The following SORCS3 variants were observed in gnomAD, a reference collection of about 807,000 sequenced individuals.
SORCS3 encodes VPS10 domain-containing receptor SorCS3.
SORCS3 carries 57 observed loss-of-function variants against 146.3 expected under a neutral mutation model. The ratio of observed to expected loss-of-function variants is 0.39; its 90% CI spans 0.31 to 0.49. The LOEUF (loss-of-function observed/expected upper bound fraction) is 0.49. Ranked by LOEUF, SORCS3 falls within the 20% of genes least tolerant of loss-of-function variation. SORCS3 has a pLI of 0.92. For missense variants in SORCS3, 1,341 were observed against 1,575.5 expected (o/e 0.85, Z 2.52); for synonymous variants, 653 against 618.5 (o/e 1.06, Z -0.83).
chr10:104,928,984 G>T (rs2019178928), intron 3 of SORCS3, among the ~76,000 whole-genome samples: 1 of 152,192 alleles, frequency 6.6e-6, no homozygotes. Flanking sequence ...TGTGAGAAAT[G>T]CATGTGATTA....
At chr10:104,805,257 G>T (rs1373379412) in intron 1 of SORCS3, among the ~76,000 whole-genome samples, 1 of 152,198 alleles carries the variant, frequency 6.6e-6, no homozygotes, top group East Asian at 1.9e-4. Flanking sequence ...ACAGAGGATG[G>T]GAGTAATTCC....
At chr10:105,087,847 ACCTTTAAAAAATACT>A (rs2055673859) in intron 5 of SORCS3, among the ~76,000 whole-genome samples, 2 of 152,336 alleles carry the variant, frequency 1.3e-5, no homozygotes, top group South Asian at 4.1e-4. Context: ...ATCACCTGCG[ACCTTTAAAAAATACT>A]GACACCTTGG....
At chr10:105,039,101 A>G (rs2055323051) in intron 4 of SORCS3, among the ~76,000 whole-genome samples, 1 of 152,190 alleles carries the variant, frequency 6.6e-6, no homozygotes, top group African/African-American at 2.4e-5. Context: ...TTCAGTTCCT[A>G]GAGCATAGTA....
intron 7 of SORCS3, among the ~76,000 whole-genome samples, chr10:105,135,668 C>T (rs2056054119): frequency 6.6e-6 from 1 of 152,210 alleles, no homozygotes; most frequent in Non-Finnish European, 1.5e-5. Context: ...GCACTCTCCA[C>T]ATTTGCATTG....
At chr10:104,883,697 T>C (rs1479512287) in intron 2 of SORCS3, among the ~76,000 whole-genome samples, 2 of 152,206 alleles carry the variant, frequency 1.3e-5, no homozygotes, top group African/African-American at 4.8e-5. Flanking sequence ...TTTTAAGCTT[T>C]TGAATGCTCT....
intron 1 of SORCS3, among the ~76,000 whole-genome samples, chr10:104,797,082 A>C (rs2017565190): frequency 6.6e-6 from 1 of 152,218 alleles, no homozygotes. Context: ...ATGACATGGG[A>C]TGAGCCAGGA....
intron 1 of SORCS3, among the ~76,000 whole-genome samples, chr10:104,760,005 G>A (rs2017101625): frequency 6.6e-6 from 1 of 152,216 alleles, no homozygotes; most frequent in Non-Finnish European, 1.5e-5. Context: ...ACGGGGCCCA[G>A]GGGGGCAATA....
intron 14 of SORCS3, among the ~76,000 whole-genome samples, chr10:105,178,750 G>A (rs2056424389): frequency 6.6e-6 from 1 of 152,078 alleles, no homozygotes; most frequent in South Asian, 2.1e-4. Context: ...ATGTGTACAT[G>A]GTGAGTGGGT....
At chr10:105,236,900 C>G (rs2056795778) in intron 20 of SORCS3, among the ~76,000 whole-genome samples, 1 of 152,128 alleles carries the variant, frequency 6.6e-6, no homozygotes, top group African/African-American at 2.4e-5. Flanking sequence ...CTGTGTATCT[C>G]TCTGTCTCTC....
chr10:105,143,943 C>G (rs1242936510), intron 8 of SORCS3, among the ~76,000 whole-genome samples: 3 of 152,086 alleles, frequency 2.0e-5, no homozygotes, highest in Non-Finnish European at 4.4e-5. Context: ...AGCCTTTCTC[C>G]CTGCCTCTAG....
chr10:104,857,893 C>T (rs147452340), intron 2 of SORCS3, among the ~76,000 whole-genome samples: 14 of 152,274 alleles, frequency 9.2e-5, no homozygotes, highest in African/African-American at 2.6e-4. Context: ...TTTCATTCCT[C>T]GGTGAGGATC....
intron 5 of SORCS3, among the ~76,000 whole-genome samples, chr10:105,061,396 G>A (rs2055485487): frequency 6.7e-6 from 1 of 149,678 alleles, no homozygotes; most frequent in African/African-American, 2.5e-5. Flanking sequence ...CCAGGTTCAT[G>A]CCATTCTTCT....
chr10:105,136,308 G>A (rs1241218944), intron 7 of SORCS3, among the ~76,000 whole-genome samples: 1 of 152,064 alleles, frequency 6.6e-6, no homozygotes, highest in Admixed American at 6.5e-5. Flanking sequence ...TGATGAAAGG[G>A]AAAAAAGAGG....
At chr10:105,173,494 TA>T (rs2056376594) in intron 13 of SORCS3, among the ~76,000 whole-genome samples, 1 of 152,132 alleles carries the variant, frequency 6.6e-6, no homozygotes, top group Non-Finnish European at 1.5e-5. Context: ...TCTCTAAAAA[TA>T]ACCTAAATAT....
chr10:104,841,466 C>T (rs531903662), intron 1 of SORCS3, among the ~76,000 whole-genome samples: 14 of 152,178 alleles, frequency 9.2e-5, no homozygotes, highest in South Asian at 2.1e-4. Context: ...CATTCCTCAT[C>T]GCAGAGAAAT....
At chr10:104,883,366 G>A (rs1213290818) in intron 2 of SORCS3, among the ~76,000 whole-genome samples, 1 of 152,208 alleles carries the variant, frequency 6.6e-6, no homozygotes, top group Non-Finnish European at 1.5e-5. Flanking sequence ...TTGGTGAATG[G>A]AGACACTGCG....
chr10:104,681,598 C>T (rs2015975949), intron 1 of SORCS3, among the ~76,000 whole-genome samples: 1 of 152,150 alleles, frequency 6.6e-6, no homozygotes. Context: ...CCTCTCTGAG[C>T]CTAGGTTCTT....
intron 18 of SORCS3, among the ~76,000 whole-genome samples, chr10:105,215,272 C>A (rs114665209): frequency 1.6e-3 from 246 of 152,234 alleles, no homozygotes; most frequent in African/African-American, 5.8e-3. Flanking sequence ...GAATTGCTTC[C>A]TATACTAGGG....
intron 1 of SORCS3, among the ~76,000 whole-genome samples, chr10:104,668,265 A>G (rs192321888): frequency 3.9e-5 from 6 of 152,314 alleles, no homozygotes; most frequent in Admixed American, 2.0e-4. Flanking sequence ...CTGACTTCTA[A>G]GGGGGCCCTT....
Sources: gnomAD v4.1 joint callset for allele counts (sites outside exome capture counted in the v4.1 genomes callset) on GRCh38, gnomAD v4.1.1 for gene constraint, MANE v1.5 for transcripts, NCBI Gene and HGNC (gene_info 2026-07-23, HGNC 2026-07-21) for gene names.